TAFA5: variants seen among roughly 807,000 people sequenced by gnomAD.
TAFA5 encodes the protein TAFA chemokine like family member 5.
TAFA5 carries 6 observed loss-of-function variants against 15.3 expected under a neutral mutation model. The ratio of observed to expected loss-of-function variants is 0.39; its 90% CI spans 0.21 to 0.77. The LOEUF (loss-of-function observed/expected upper bound fraction) is 0.77. Ranked by LOEUF, TAFA5 falls within the 30% of genes least tolerant of loss-of-function variation. The pLI is 0.41. For synonymous variants in TAFA5, 103 were observed against 80.7 expected (o/e 1.28, Z -1.48); for missense variants, 161 against 193.1 (o/e 0.83, Z 0.98).
intron 1 of TAFA5, among the ~76,000 whole-genome samples, chr22:48,574,910 C>A (rs1335458754): frequency 6.6e-6 from 1 of 152,202 alleles, no homozygotes; most frequent in Non-Finnish European, 1.5e-5. Context: ...AGGGAGGCAT[C>A]CGTTTGTTTC....
chr22:48,507,215 A>G (rs1569162059), intron 1 of TAFA5, among the ~76,000 whole-genome samples: 1 of 129,700 alleles, frequency 7.7e-6, no homozygotes, highest in Non-Finnish European at 1.6e-5. Context: ...CCAGGTGTGC[A>G]GTTGGAGGAG....
intron 1 of TAFA5, among the ~76,000 whole-genome samples, chr22:48,493,300 T>C (rs2147091543): frequency 6.6e-6 from 1 of 152,334 alleles, no homozygotes; most frequent in African/African-American, 2.4e-5. Context: ...ACATGGAAAT[T>C]TCCAAATAAA....
chr22:48,733,334 T>C (rs1242214580), intron 3 of TAFA5, among the ~76,000 whole-genome samples: 3 of 152,188 alleles, frequency 2.0e-5, no homozygotes, highest in Non-Finnish European at 4.4e-5. Context: ...CCAGCGTCCA[T>C]CTGAAACCCA....
intron 2 of TAFA5, among the ~76,000 whole-genome samples, chr22:48,692,239 G>A (rs1928566234): frequency 6.6e-6 from 1 of 152,116 alleles, no homozygotes; most frequent in African/African-American, 2.4e-5. Flanking sequence ...CCCTCAGAGT[G>A]CAGGGAGGGC....
chr22:48,738,134 G>A (rs548593483), intron 3 of TAFA5, among the ~76,000 whole-genome samples: 1 of 152,182 alleles, frequency 6.6e-6, no homozygotes, highest in African/African-American at 2.4e-5. Context: ...GGGGCCAAGT[G>A]TGAAATTTCC....
At chr22:48,576,223 G>C (rs1923788477) in intron 1 of TAFA5, 1 of 377,776 alleles carries the variant, frequency 2.6e-6, no homozygotes, top group African/African-American at 2.2e-5. Flanking sequence ...CGCGGCCCGA[G>C]ACTTTCTGCT....
intron 1 of TAFA5, among the ~76,000 whole-genome samples, chr22:48,572,645 A>G (rs1923630078): frequency 6.6e-6 from 1 of 152,154 alleles, no homozygotes; most frequent in Admixed American, 6.5e-5. Flanking sequence ...AGTCTGGTGA[A>G]GCCTGTGCCA....
chr22:48,729,296 ATATT>A (rs1237928621), intron 3 of TAFA5, among the ~76,000 whole-genome samples: 48 of 132,472 alleles, frequency 3.6e-4, no homozygotes, highest in Admixed American at 5.6e-4. Flanking sequence ...TAATAATTTT[ATATT>A]TATTTATAAA....
chr22:48,585,338 CAT>C (rs1205557443), intron 1 of TAFA5, among the ~76,000 whole-genome samples: 5 of 150,074 alleles, frequency 3.3e-5, no homozygotes, highest in Non-Finnish European at 7.4e-5. Flanking sequence ...CACACACACA[CAT>C]AAAATACACC....
intron 1 of TAFA5, among the ~76,000 whole-genome samples, chr22:48,525,466 G>A (rs1921749307): frequency 6.6e-6 from 1 of 152,140 alleles, no homozygotes; most frequent in South Asian, 2.1e-4. Context: ...CCGCCTTCTG[G>A]ACTCTGCTTC....
chr22:48,695,172 G>A (rs1928671902), intron 2 of TAFA5, among the ~76,000 whole-genome samples: 1 of 152,086 alleles, frequency 6.6e-6, no homozygotes, highest in Non-Finnish European at 1.5e-5. Flanking sequence ...CACATTGTGT[G>A]TGTGTGTGTG....
At chr22:48,521,562 C>A (rs1290683565) in intron 1 of TAFA5, among the ~76,000 whole-genome samples, 2 of 152,106 alleles carry the variant, frequency 1.3e-5, no homozygotes, top group East Asian at 3.9e-4. Context: ...CAAAAAAATT[C>A]TAAAGTGCTG....
intron 1 of TAFA5, among the ~76,000 whole-genome samples, chr22:48,537,424 G>T (rs956318521): frequency 1.5e-4 from 23 of 152,220 alleles, no homozygotes; most frequent in African/African-American, 5.5e-4. Context: ...AAACCCCAGG[G>T]CAGGCCATGT....
At chr22:48,612,474 C>A (rs1331032741) in intron 1 of TAFA5, among the ~76,000 whole-genome samples, 1 of 152,108 alleles carries the variant, frequency 6.6e-6, no homozygotes, top group Non-Finnish European at 1.5e-5. Flanking sequence ...TGTTGCCTTC[C>A]CTGGGGCCCT....
intron 1 of TAFA5, among the ~76,000 whole-genome samples, chr22:48,634,608 C>T (rs1404248904): frequency 6.6e-6 from 1 of 152,142 alleles, no homozygotes; most frequent in Non-Finnish European, 1.5e-5. Flanking sequence ...GATTCACCCA[C>T]TCACCCACTC....
At chr22:48,748,908 C>T (rs1051737128) in intron 3 of TAFA5, among the ~76,000 whole-genome samples, 1 of 152,198 alleles carries the variant, frequency 6.6e-6, no homozygotes, top group Admixed American at 6.5e-5. Context: ...GGGCTCAGAA[C>T]TTTCAGCAGG....
intron 2 of TAFA5, among the ~76,000 whole-genome samples, chr22:48,667,042 GA>G: frequency 6.6e-6 from 1 of 152,104 alleles, no homozygotes; most frequent in East Asian, 2.0e-4. Flanking sequence ...GACAGCCTGG[GA>G]TTGAGGGGGA....
intron 1 of TAFA5, chr22:48,539,351 G>A: frequency 2.1e-6 from 1 of 471,106 alleles, no homozygotes; most frequent in Middle Eastern, 3.2e-4. Flanking sequence ...ATAGGACATG[G>A]GCTCCTCCAG....
At chr22:48,538,597 G>A (rs1238462501) in intron 1 of TAFA5, among the ~76,000 whole-genome samples, 2 of 152,210 alleles carry the variant, frequency 1.3e-5, no homozygotes, top group African/African-American at 2.4e-5. Flanking sequence ...GACTGTGCCT[G>A]CTCATGGGTC....
Sources: gnomAD v4.1 joint callset for allele counts (sites outside exome capture counted in the v4.1 genomes callset) on GRCh38, gnomAD v4.1.1 for gene constraint, MANE v1.5 for transcripts, NCBI Gene and HGNC (gene_info 2026-07-23, HGNC 2026-07-21) for gene names.